NRG1: variants seen among roughly 807,000 people sequenced by gnomAD.
NRG1 encodes neuregulin 1.
Under a neutral mutation model 63.8 loss-of-function variants are expected in NRG1, and 18 were observed. The ratio of observed to expected loss-of-function variants is 0.28; its 90% CI spans 0.19 to 0.42. The LOEUF is 0.42. Ranked by LOEUF, NRG1 falls within the 10% of genes least tolerant of loss-of-function variation. The probability of loss-of-function intolerance (pLI) is 1.00; values close to 1 mark genes in which losing one functional copy is unlikely to be tolerated. For missense variants in NRG1, 762 were observed against 814.7 expected, an observed-to-expected ratio of 0.94 and a Z score of 0.79; for synonymous variants, 302 against 301.3, an observed-to-expected ratio of 1.00 and a Z score of -0.02.
chr8:32,404,917 G>A (rs1214437455), intron 1 of NRG1, among the ~76,000 whole-genome samples: 5 of 151,994 alleles, frequency 3.3e-5, no homozygotes, highest in South Asian at 2.1e-4. Flanking sequence ...TTCCATGTTC[G>A]CTGTGGCTGG....
At chr8:31,854,254 G>T (rs923614819) in intron 1 of NRG1, among the ~76,000 whole-genome samples, 74 of 152,002 alleles carry the variant, frequency 4.9e-4, no homozygotes, top group African/African-American at 1.8e-3. Flanking sequence ...GACTCTTTTT[G>T]GTTGGTAAGC....
chr8:32,308,597 C>T (rs552031203), intron 1 of NRG1, among the ~76,000 whole-genome samples: 123 of 152,286 alleles, frequency 8.1e-4, no homozygotes, highest in African/African-American at 2.9e-3. Flanking sequence ...TGATGTTGGG[C>T]TTGGTGCCTC....
chr8:32,608,616 G>A (rs1026387016), intron 3 of NRG1, among the ~76,000 whole-genome samples: 2 of 152,148 alleles, frequency 1.3e-5, no homozygotes, highest in African/African-American at 2.4e-5. Context: ...ATTCTATGGC[G>A]AAGAACTAGA....
chr8:31,843,082 G>C (rs1298574523), intron 1 of NRG1, among the ~76,000 whole-genome samples: 2 of 151,880 alleles, frequency 1.3e-5, no homozygotes, highest in African/African-American at 4.8e-5. Flanking sequence ...TTAGAACTTG[G>C]ATGTAGCAGG....
intron 1 of NRG1, among the ~76,000 whole-genome samples, chr8:31,675,100 T>TGGG (rs1807546958): frequency 6.6e-6 from 1 of 152,192 alleles, no homozygotes; most frequent in Non-Finnish European, 1.5e-5. Context: ...CCCAGCACTT[T>TGGG]GGGAGGCCGA....
chr8:32,277,732 G>A (rs1370300766), intron 1 of NRG1, among the ~76,000 whole-genome samples: 4 of 152,168 alleles, frequency 2.6e-5, no homozygotes, highest in East Asian at 1.9e-4. Flanking sequence ...GGCAGAGGCC[G>A]GGGATGGTTA....
rs894851101 is a variant in NRG1 at position 32,244,032 on chromosome 8, C to A, written c.38-351796C>A. Among the ~76,000 whole-genome samples, 12 of 152,160 alleles carry A rather than the reference C, an allele frequency of 7.9e-5. 1 individual carries two copies. The highest frequency in any genetic ancestry group is 2.9e-4 in the African/African-American group (12 of 41,456). ...TTATAGCTGCCTGAGCTGACTAAGA[C>A]AGGCAATATATGACATGGCCGTTTG... On this transcript the variant is annotated intron_variant, in intron 1 of 10. Transcript: ENST00000519301.
intron 5 of NRG1, among the ~76,000 whole-genome samples, chr8:32,636,456 A>G (rs1216501175): frequency 6.6e-6 from 1 of 152,168 alleles, no homozygotes; most frequent in Non-Finnish European, 1.5e-5. Flanking sequence ...CAACCTTCAC[A>G]TTGGAGCCTC....
intron 1 of NRG1, among the ~76,000 whole-genome samples, chr8:32,252,776 T>C (rs546051404): frequency 7.9e-5 from 12 of 152,352 alleles, no homozygotes; most frequent in South Asian, 4.1e-4. Flanking sequence ...ATCTATAAAT[T>C]ACTTTGGGCA....
chr8:32,312,161 T>G (rs1433872791), intron 1 of NRG1, among the ~76,000 whole-genome samples: 8 of 127,300 alleles, frequency 6.3e-5, no homozygotes, highest in South Asian at 3.0e-4. Flanking sequence ...TTGTTTGTTT[T>G]TTTTTTTTTT....
downstream of NRG1, among the ~76,000 whole-genome samples, chr8:32,769,782 A>G (rs1298063124): frequency 6.6e-6 from 1 of 152,126 alleles, no homozygotes; most frequent in Admixed American, 6.5e-5. Context: ...TTGGTGTTGA[A>G]TAGGGTGGTC....
intron 1 of NRG1, among the ~76,000 whole-genome samples, chr8:32,302,921 C>T (rs1586715915): frequency 6.6e-6 from 1 of 152,170 alleles, no homozygotes; most frequent in Admixed American, 6.5e-5. Flanking sequence ...GGGGCTCACG[C>T]CTGTAATCCT....
rs778228643 is a variant in NRG1, at chr8:31,813,519, T to TTCTTTTC, written c.37+174089_37+174090insCTTTTCT. Among the ~76,000 whole-genome samples, 130 of 116,150 alleles carry TTCTTTTC rather than the reference T, an allele frequency of 1.1e-3. 1 individual carries two copies. Among genetic ancestry groups the TTCTTTTC allele is most frequent in the Non-Finnish European group, 1.9e-3 (102 of 53,822 alleles). 76.2% of individuals were successfully genotyped at this position (116,150 alleles called of 152,430 possible). A position where few individuals can be genotyped will look rare whatever the true frequency, so the allele number is the denominator to read the frequency against. ...TTCTTTTCTTTTCTTTTCTTTTCTT[T>TTCTTTTC]TTTTTTTTTTTTTTGTTTTTTGAGA... On this transcript the variant is annotated intron_variant, in intron 1 of 10. Transcript: ENST00000519301.
At chr8:32,760,697 G>T in intron 11 of NRG1, 3 of 1,190,880 alleles carry the variant, frequency 2.5e-6, no homozygotes, top group South Asian at 2.2e-5. Context: ...CATGGGCTCA[G>T]ACCCACTCGG....
chr8:32,364,075 C>CTTTTTTTTTTTT (rs932903875), intron 1 of NRG1, among the ~76,000 whole-genome samples: 4 of 65,536 alleles, frequency 6.1e-5, no homozygotes, highest in African/African-American at 1.2e-4. Flanking sequence ...TCTGACTAGT[C>CTTTTTTTTTTTT]TTTTTTTTTT....
At chr8:32,652,477 A>G (rs565684134) in intron 5 of NRG1, among the ~76,000 whole-genome samples, 4 of 151,702 alleles carry the variant, frequency 2.6e-5, no homozygotes, top group South Asian at 2.1e-4. Flanking sequence ...CCCAACTCAG[A>G]CTTCTTCTCC....
At chr8:31,786,081 C>T (rs1342477909) in intron 1 of NRG1, among the ~76,000 whole-genome samples, 2 of 152,142 alleles carry the variant, frequency 1.3e-5, no homozygotes, top group African/African-American at 2.4e-5. Flanking sequence ...AAAAAGCCCA[C>T]TGTATGCCAA....
At chr8:32,344,622 T>C (rs911149383) in intron 1 of NRG1, among the ~76,000 whole-genome samples, 3 of 94,532 alleles carry the variant, frequency 3.2e-5, no homozygotes, top group Non-Finnish European at 7.2e-5. Flanking sequence ...TTTTTTTTTT[T>C]TTTTGTATTT....
At chr8:32,387,099 C>G (rs1030198391) in intron 1 of NRG1, among the ~76,000 whole-genome samples, 2 of 152,140 alleles carry the variant, frequency 1.3e-5, no homozygotes, top group African/African-American at 2.4e-5. Context: ...GCACATAAAG[C>G]TTGAACTTAA....
Sources: gnomAD v4.1 joint callset for allele counts (sites outside exome capture counted in the v4.1 genomes callset) on GRCh38, gnomAD v4.1.1 for gene constraint, MANE v1.5 for transcripts, NCBI Gene and HGNC (gene_info 2026-07-23, HGNC 2026-07-21) for gene names.